The following JARID2 variants were observed in gnomAD, a reference collection of about 807,000 sequenced individuals.
JARID2 encodes protein Jumonji.
In JARID2, 21 loss-of-function variants were observed where a neutral mutation model predicts 125.6. The observed-to-expected ratio is 0.17, with a 90% CI of 0.12 to 0.24. JARID2 has a LOEUF of 0.24. Among genes scored for constraint, JARID2 ranks in the 10% least tolerant of loss-of-function variants. The pLI is 1.00. For missense variants in JARID2, 1,303 were observed against 1,639.6 expected (o/e 0.79, Z 3.55); for synonymous variants, 736 against 661.6 (o/e 1.11, Z -1.73).
chr6:15,284,694 C>T (rs1005579675), intron 1 of JARID2, among the ~76,000 whole-genome samples: 2 of 151,914 alleles, frequency 1.3e-5, no homozygotes, highest in Non-Finnish European at 2.9e-5. Context: ...ACCATATTGG[C>T]GAGGCTGGTC....
intron 1 of JARID2, among the ~76,000 whole-genome samples, chr6:15,313,721 G>C (rs1302124324): frequency 6.6e-6 from 1 of 152,222 alleles, no homozygotes. Context: ...CTCTCTGGCT[G>C]ATGTATAGAA....
chr6:15,432,228 A>G (rs1456460595), intron 3 of JARID2, among the ~76,000 whole-genome samples: 1 of 152,152 alleles, frequency 6.6e-6, no homozygotes, highest in Non-Finnish European at 1.5e-5. Flanking sequence ...CAGGGATTCA[A>G]GACCAGCTTG....
At chr6:15,438,004 C>G (rs1767284510) in intron 3 of JARID2, among the ~76,000 whole-genome samples, 1 of 152,092 alleles carries the variant, frequency 6.6e-6, no homozygotes, top group African/African-American at 2.4e-5. Context: ...TATTGTTTTC[C>G]AAACCCACAC....
chr6:15,477,613 G>A (rs757382534), intron 5 of JARID2, among the ~76,000 whole-genome samples: 8 of 151,490 alleles, frequency 5.3e-5, no homozygotes, highest in Admixed American at 2.6e-4. Flanking sequence ...GTTCCTTAGA[G>A]GCCGTTGGGT....
chr6:15,423,260 A>G (rs915167561), intron 3 of JARID2, among the ~76,000 whole-genome samples: 8 of 151,904 alleles, frequency 5.3e-5, no homozygotes, highest in Non-Finnish European at 1.2e-4. Flanking sequence ...TCAGCCTCCC[A>G]TTGTTGGGAT....
In JARID2 at chr6:15,246,451, A is replaced by C. The variant is rs1406054536; in HGVS notation, c.-89A>C. The C allele has an allele frequency of 1.2e-5, 13 of 1,101,308 alleles. No individual in the cohort carries two copies. Among genetic ancestry groups the C allele is most frequent in the Non-Finnish European group, 1.7e-5 (12 of 726,300 alleles). The allele number at this position is 1,101,308 out of a possible 1,614,324, so 68.2% of individuals were successfully genotyped here. On this transcript the variant is annotated 5_prime_UTR_variant, in exon 1 of 18. Transcript: ENST00000341776. ...ATCAACCACCACCAACAACAATAAA[A>C]ACCACCAGGATATTTTTTTGCAAAT... is the stretch of plus-strand genomic sequence containing the variant.
intron 5 of JARID2, among the ~76,000 whole-genome samples, chr6:15,471,378 C>G (rs1333720138): frequency 3.3e-5 from 5 of 152,128 alleles, no homozygotes. Flanking sequence ...TTCTAGGTTT[C>G]TTTTTGGTTT....
At chr6:15,385,637 C>T (rs1239561242) in intron 2 of JARID2, among the ~76,000 whole-genome samples, 6 of 152,072 alleles carry the variant, frequency 3.9e-5, no homozygotes. Flanking sequence ...CTGCTTTTCC[C>T]TGTGCCTGGG....
chr6:15,348,731 T>C (rs1403299778), intron 1 of JARID2, among the ~76,000 whole-genome samples: 1 of 152,206 alleles, frequency 6.6e-6, no homozygotes, highest in Non-Finnish European at 1.5e-5. Flanking sequence ...CAGTCAAGCT[T>C]TTGCAGACCC....
intron 1 of JARID2, among the ~76,000 whole-genome samples, chr6:15,323,571 G>T (rs1013271537): frequency 6.6e-6 from 1 of 152,168 alleles, no homozygotes; most frequent in Admixed American, 6.5e-5. Flanking sequence ...TTGGACTTAA[G>T]CATAAGACTT....
At chr6:15,294,130 C>T (rs1581380071) in intron 1 of JARID2, among the ~76,000 whole-genome samples, 1 of 152,304 alleles carries the variant, frequency 6.6e-6, no homozygotes, top group Middle Eastern at 3.4e-3. Flanking sequence ...CTTTTGAAAG[C>T]TTCCAGGAAA....
rs958658511 is a variant in JARID2 at position 15,369,215 on chromosome 6, C to T, written c.46-4902C>T. The stretch of plus-strand genomic sequence containing the variant: ...TCTTTTAGTAAAAAGACTCACAGTC[C>T]GGGTTAGAGATAACTTGCAATGCCA... On this transcript the variant is annotated intron_variant, in intron 1 of 17. Coordinates refer to ENST00000341776, the MANE Select transcript of JARID2 (RefSeq NM_004973.4). 10 of 327,612 alleles carry T rather than the reference C, an allele frequency of 3.1e-5. No homozygotes were observed. The East Asian group carries it at 3.2e-4, about 10-fold the overall frequency. 20.3% of individuals were successfully genotyped at this position (327,612 alleles called of 1,614,324 possible).
chr6:15,251,806 C>T (rs979831333), intron 1 of JARID2, among the ~76,000 whole-genome samples: 1 of 152,118 alleles, frequency 6.6e-6, no homozygotes, highest in East Asian at 1.9e-4. Flanking sequence ...GGTGAAACCC[C>T]GTCTCTACTA....
chr6:15,413,734 G>C (rs1378004956), intron 3 of JARID2, among the ~76,000 whole-genome samples: 1 of 152,142 alleles, frequency 6.6e-6, no homozygotes, highest in African/African-American at 2.4e-5. Flanking sequence ...AGACTCCTGA[G>C]TAGCTGGGAC....
chr6:15,380,240 G>A (rs1764528304), intron 2 of JARID2, among the ~76,000 whole-genome samples: 1 of 151,928 alleles, frequency 6.6e-6, no homozygotes, highest in East Asian at 1.9e-4. Flanking sequence ...TCACCATGTT[G>A]GCCAGGCTGG....
chr6:15,515,781 C>T (rs1458887390), intron 16 of JARID2, among the ~76,000 whole-genome samples: 1 of 151,162 alleles, frequency 6.6e-6, no homozygotes, highest in East Asian at 1.9e-4. Flanking sequence ...AAAAACCAGG[C>T]ACGGTGGCTT....
intron 2 of JARID2, among the ~76,000 whole-genome samples, chr6:15,374,649 C>T (rs984520631): frequency 1.3e-5 from 2 of 152,198 alleles, no homozygotes; most frequent in African/African-American, 2.4e-5. Context: ...CTCTCTGGCT[C>T]AGCGGCTTTC....
At chr6:15,414,329 C>T (rs1375063417) in intron 3 of JARID2, among the ~76,000 whole-genome samples, 1 of 152,102 alleles carries the variant, frequency 6.6e-6, no homozygotes, top group Non-Finnish European at 1.5e-5. Flanking sequence ...CATGTGTTTA[C>T]TTAAGTGTTG....
chr6:15,316,751 C>T (rs1468235634), intron 1 of JARID2, among the ~76,000 whole-genome samples: 2 of 152,164 alleles, frequency 1.3e-5, no homozygotes, highest in Non-Finnish European at 2.9e-5. Flanking sequence ...GATCCTCCTG[C>T]CTTTGCCTCC....
Sources: gnomAD v4.1 joint callset for allele counts (sites outside exome capture counted in the v4.1 genomes callset) on GRCh38, gnomAD v4.1.1 for gene constraint, MANE v1.5 for transcripts, NCBI Gene and HGNC (gene_info 2026-07-23, HGNC 2026-07-21) for gene names.